The following ZNF331 variants were observed in gnomAD, a reference collection of about 807,000 sequenced individuals.
ZNF331 encodes the protein zinc finger protein 331, also known as C2H2-like zinc finger protein rearranged in thyroid adenomas.
A neutral mutation model predicts 7.0 loss-of-function variants in ZNF331; 2 were observed. That is an observed-to-expected ratio of 0.29 (90% CI 0.12 to 0.90). ZNF331 has a LOEUF of 0.90. ZNF331 is among the 40% of genes least tolerant of loss of function. The pLI is 0.58. For synonymous variants in ZNF331, 196 were observed against 205.4 expected (o/e 0.95, Z 0.39); for missense variants, 432 against 587.7 (o/e 0.74, Z 2.74).
chr19:53,541,709 A>G (rs2088188500), intron 2 of ZNF331, among the ~76,000 whole-genome samples: 1 of 152,168 alleles, frequency 6.6e-6, no homozygotes, highest in African/African-American at 2.4e-5. Flanking sequence ...CAAATTACCC[A>G]TAATTGTACC....
chr19:53,508,810 C>T, the ZNF331 span, among the ~76,000 whole-genome samples: 2 of 152,260 alleles, frequency 1.3e-5, no homozygotes, highest in South Asian at 4.1e-4. Flanking sequence ...AAATCTTTAT[C>T]CCTGTTTCAC....
intron 5 of ZNF331, among the ~76,000 whole-genome samples, chr19:53,575,957 C>T (rs889944132): frequency 6.6e-6 from 1 of 152,026 alleles, no homozygotes; most frequent in Admixed American, 6.6e-5. Flanking sequence ...GCTGGGATTA[C>T]AAGCGTGAGC....
chr19:53,526,853 G>A lies in ZNF331; in HGVS notation c.-205+4169G>A, dbSNP rs549231068. Among the ~76,000 whole-genome samples, 22 of 151,116 alleles carry A rather than the reference G, an allele frequency of 1.5e-4. No homozygotes were observed. The East Asian group carries it at 2.6e-3, about 18-fold the overall frequency. ...AGGCGTGAGCCACCGCGCCTGGCCC[G>A]GGAACTAATTTTTTTTATACCAGGC... On this transcript the variant is annotated intron_variant, in intron 2 of 6. Coordinates refer to the ZNF331 transcript ENST00000253144.
intron 2 of ZNF331, among the ~76,000 whole-genome samples, chr19:53,528,816 G>A (rs969715876): frequency 8.0e-5 from 12 of 150,732 alleles, no homozygotes; most frequent in Non-Finnish European, 1.5e-4. Flanking sequence ...ACAGAGTCTC[G>A]CTCTGTTGCC....
the ZNF331 span, among the ~76,000 whole-genome samples, chr19:53,514,133 G>A: frequency 6.6e-6 from 1 of 152,086 alleles, no homozygotes; most frequent in Non-Finnish European, 1.5e-5. Flanking sequence ...TCTGTATCCA[G>A]GTTATTGTGG....
the ZNF331 span, among the ~76,000 whole-genome samples, chr19:53,513,304 C>A: frequency 6.6e-6 from 1 of 151,790 alleles, no homozygotes; most frequent in Non-Finnish European, 1.5e-5. Context: ...TTGGAAATAC[C>A]CATTTCCTTC....
chr19:53,545,176 C>T (rs2088510588), intron 2 of ZNF331, among the ~76,000 whole-genome samples: 1 of 152,102 alleles, frequency 6.6e-6, no homozygotes. Context: ...TTTTCTTGAT[C>T]GCTCTTTCAC....
chr19:53,558,736 A>G lies in ZNF331; in HGVS notation c.-74+2828A>G, dbSNP rs552968235. 1.3e-5 allele frequency among the ~76,000 whole-genome samples: 2 copies of G among 151,930 alleles called. No individual in the cohort carries two copies. The highest frequency in any genetic ancestry group is 4.8e-5 in the African/African-American group (2 of 41,360). Reference sequence around the variant, plus strand: ...CTTCTGAGGCTGAAAGTGCCCTAATATTAAGATTTTACCAAGGGTTATGGA... The same window carrying G: ...CTTCTGAGGCTGAAAGTGCCCTAATGTTAAGATTTTACCAAGGGTTATGGA... On this transcript the variant is annotated intron_variant, in intron 3 of 5. Transcript: ENST00000449416. This position sits in a 1 kb window ranked among gnomAD's most constrained non-coding sequence, Gnocchi z 4.5.
chr19:53,577,310 G>A lies in ZNF331; in HGVS notation c.750G>A (p.Lys250=), dbSNP rs1388479734. 1 of 1,613,940 alleles carries A rather than the reference G, an allele frequency of 6.2e-7. No homozygotes were observed. Among genetic ancestry groups the A allele is most frequent in the East Asian group, 2.2e-5 (1 of 44,844 alleles). Residue 250 remains lysine (K), a synonymous_variant, in exon 6 of 6, where the codon AAG becomes AAA. Transcript: ENST00000449416. ...EKDYECKDCG[K]TFSRVYKLIQ... ...ACTACGAATGCAAAGACTGTGGGAA[G>A]ACCTTTAGCCGTGTGTATAAACTTA...
chr19:53,563,589 A>T (rs948196623), intron 3 of ZNF331, among the ~76,000 whole-genome samples: 16 of 151,210 alleles, frequency 1.1e-4, no homozygotes, highest in African/African-American at 4.0e-4. Context: ...ATTTTAATGT[A>T]AGTAAAAAAA....
At chr19:53,506,440 C>CTCTCTG in the ZNF331 span, among the ~76,000 whole-genome samples, 1 of 66,436 alleles carries the variant, frequency 1.5e-5, no homozygotes, top group African/African-American at 5.3e-5. Context: ...CTCTCTCTCT[C>CTCTCTG]TCTGTCTCTC....
intron 3 of ZNF331, among the ~76,000 whole-genome samples, chr19:53,556,992 T>C (rs2089474468): frequency 6.9e-6 from 1 of 145,238 alleles, no homozygotes. Context: ...TTTTTTTTTT[T>C]TTTTTTTGGT....
intron 2 of ZNF331, among the ~76,000 whole-genome samples, chr19:53,540,832 A>T (rs2147324946): frequency 6.6e-6 from 1 of 152,210 alleles, no homozygotes; most frequent in African/African-American, 2.4e-5. Flanking sequence ...AAAGCTGCAA[A>T]GACAGGCCAA....
At chr19:53,516,205 C>T (rs562876589), upstream of ZNF331, among the ~76,000 whole-genome samples, 57 of 152,218 alleles carry the variant, frequency 3.7e-4, no homozygotes, top group South Asian at 0.011. Flanking sequence ...AACGCCAGCA[C>T]TTTGGGAGGC....
chr19:53,563,834 A>G (rs2090015103), intron 3 of ZNF331: 1 of 151,940 alleles, frequency 6.6e-6, no homozygotes, highest in African/African-American at 2.4e-5. Flanking sequence ...CTGAAAGACC[A>G]CAGAGCTGCC....
rs118065217 is a variant in ZNF331, at chr19:53,571,648, G to A, written c.54G>A (p.Glu18=). The A allele has an allele frequency of 6.2e-7, 1 of 1,614,140 alleles. No homozygotes were observed. The highest frequency in any genetic ancestry group is 8.5e-7 in the Non-Finnish European group (1 of 1,180,020). Residue 18 remains glutamate, a synonymous_variant, in exon 5 of 6, where the codon GAG becomes GAA. Coordinates refer to ENST00000449416, the MANE Select transcript of ZNF331 (RefSeq NM_001079906.2). This position sits in a 1 kb window ranked among gnomAD's most constrained non-coding sequence, Gnocchi z 4.7. ...ACGTAGCCATAGACTTTTCTCAGGAGGAGTGGGCCTGTCTGAACTCTGCTC... is the reference window on the plus strand; with the variant it reads ...ACGTAGCCATAGACTTTTCTCAGGAAGAGTGGGCCTGTCTGAACTCTGCTC... ...FADVAIDFSQ[E]EWACLNSAQR...
At chr19:53,565,990 G>T (rs2090135514) in intron 3 of ZNF331, among the ~76,000 whole-genome samples, 1 of 152,108 alleles carries the variant, frequency 6.6e-6, no homozygotes, top group African/African-American at 2.4e-5. Flanking sequence ...AAGATCACGG[G>T]GTGTGTCAGG....
chr19:53,577,361 G>C lies in ZNF331; in HGVS notation c.801G>C (p.Gly267=), dbSNP rs1204058542. 1.2e-6 allele frequency: 2 copies of C among 1,613,992 alleles called. No individual in the cohort carries two copies. The highest frequency in any genetic ancestry group is 1.7e-6 in the Non-Finnish European group (2 of 1,180,040). The change falls in exon 6 of 6, where the codon GGG becomes GGC. Residue 267 remains glycine (G), a synonymous_variant. Transcript: ENST00000449416. The part of the protein sequence containing the change: ...KLIQHKRIHS[G]EKPYECKDCG... The stretch of plus-strand genomic sequence containing the variant: ...TTCAGCACAAGAGAATTCATAGTGG[G>C]GAGAAGCCTTACGAGTGTAAAGACT...
upstream of ZNF331, chr19:53,538,119 G>A (rs2087860240): frequency 7.6e-6 from 1 of 131,052 alleles, no homozygotes; most frequent in African/African-American, 2.5e-5. Context: ...CTGGCCTCCA[G>A]GGGGTGGCGG....
Sources: allele counts gnomAD v4.1 joint callset (sites outside exome capture counted in the v4.1 genomes callset), GRCh38; gene constraint gnomAD v4.1.1; non-coding constraint Gnocchi (gnomAD v3.1); transcripts MANE v1.5; gene names NCBI Gene and HGNC (gene_info 2026-07-23, HGNC 2026-07-21).